Variants in TDRD3 observed in about 807,000 individuals in gnomAD.
TDRD3 encodes tudor domain-containing protein 3.
TDRD3 carries 45 observed loss-of-function variants against 86.7 expected under a neutral mutation model. That is an observed-to-expected ratio of 0.52 (90% CI 0.41 to 0.67). TDRD3 has a LOEUF of 0.67. Ranked by LOEUF, TDRD3 falls within the 30% of genes least tolerant of loss-of-function variation. The probability of loss-of-function intolerance (pLI) is 0.00; values close to 1 mark genes in which losing one functional copy is unlikely to be tolerated. For synonymous variants in TDRD3, 298 were observed against 301.7 expected, an observed-to-expected ratio of 0.99 and a Z score of 0.13; for missense variants, 814 against 889.0, an observed-to-expected ratio of 0.92 and a Z score of 1.07.
At chr13:60,455,087 AT>A (rs1955636216) in intron 3 of TDRD3, among the ~76,000 whole-genome samples, 1 of 151,810 alleles carries the variant, frequency 6.6e-6, no homozygotes, top group Non-Finnish European at 1.5e-5. Flanking sequence ...CTAATTTTGT[AT>A]TTTTAGTAGA....
intron 8 of TDRD3, 67 bp downstream of exon 8, chr13:60,494,642 T>C: frequency 6.7e-7 from 1 of 1,487,956 alleles, no homozygotes; most frequent in Non-Finnish European, 9.2e-7. Context: ...TATTCTTTCT[T>C]ACCACCACCA....
chr13:60,482,408 G>T (rs1217175850), intron 5 of TDRD3, among the ~76,000 whole-genome samples: 1 of 151,934 alleles, frequency 6.6e-6, no homozygotes, highest in African/African-American at 2.4e-5. Context: ...CTTACACATT[G>T]TTAAGATTGT....
intron 4 of TDRD3, among the ~76,000 whole-genome samples, chr13:60,463,654 T>TAACTC (rs370059236): frequency 0.048 from 7,267 of 151,826 alleles, 214 homozygotes; most frequent in Non-Finnish European, 0.064. Context: ...GGAGCTCAAA[T>TAACTC]AATAGCAAAA....
At chr13:60,543,824 A>C (rs999616869) in intron 12 of TDRD3, among the ~76,000 whole-genome samples, 1 of 152,152 alleles carries the variant, frequency 6.6e-6, no homozygotes. Flanking sequence ...TATTGCATAC[A>C]AATATTTTAT....
At chr13:60,517,671 C>T (rs377183539) in intron 10 of TDRD3, among the ~76,000 whole-genome samples, 1 of 152,192 alleles carries the variant, frequency 6.6e-6, no homozygotes, top group African/African-American at 2.4e-5. Flanking sequence ...TTTTACCATT[C>T]CATTCGTTTT....
chr13:60,559,993 T>A (rs1406712613), intron 12 of TDRD3, among the ~76,000 whole-genome samples: 3 of 152,198 alleles, frequency 2.0e-5, no homozygotes, highest in African/African-American at 7.2e-5. Context: ...ATCAAAACAT[T>A]AAGTTGTACA....
At position 60,529,010 on chromosome 13, in the gene TDRD3, G is replaced by A; in HGVS notation, c.1785G>A (p.Leu595=). 1 of 1,614,034 alleles carries A rather than the reference G, an allele frequency of 6.2e-7. No individual in the cohort carries two copies. Among genetic ancestry groups the A allele is most frequent in the Non-Finnish European group, 8.5e-7 (1 of 1,179,962 alleles). ...GVPNGEVEMP[L]KGRRIGPIKP... The stretch of plus-strand genomic sequence containing the variant: ...CAAATGGAGAAGTAGAAATGCCACT[G>A]AAAGGAAGACGAATAGGACCTATTA... The change falls in exon 11 of 14, where the codon CTG becomes CTA. Residue 595 remains leucine, a synonymous_variant. Coordinates refer to ENST00000377881, the MANE Select transcript of TDRD3 (RefSeq NM_001146070.2).
At chr13:60,469,856 A>G (rs1363901824) in intron 5 of TDRD3, among the ~76,000 whole-genome samples, 1 of 152,218 alleles carries the variant, frequency 6.6e-6, no homozygotes, top group Non-Finnish European at 1.5e-5. Context: ...ACTGTAGATT[A>G]AAAAATGTTT....
chr13:60,476,022 G>T (rs1399975429), intron 5 of TDRD3, among the ~76,000 whole-genome samples: 2 of 152,066 alleles, frequency 1.3e-5, no homozygotes, highest in Non-Finnish European at 2.9e-5. Context: ...TTCCTTTGCT[G>T]TGCAGAAGCT....
chr13:60,518,501 C>A (rs1957219332), intron 10 of TDRD3, among the ~76,000 whole-genome samples: 1 of 151,956 alleles, frequency 6.6e-6, no homozygotes, highest in South Asian at 2.1e-4. Context: ...AAAAATTGGC[C>A]TCACCTAGAA....
At chr13:60,449,165 G>A (rs1341219415) in intron 3 of TDRD3, among the ~76,000 whole-genome samples, 2 of 152,002 alleles carry the variant, frequency 1.3e-5, no homozygotes, top group African/African-American at 4.8e-5. Context: ...GAAATCGGAT[G>A]TTTTTAAAAA....
At chr13:60,531,881 AAAG>A (rs1424272731) in intron 11 of TDRD3, among the ~76,000 whole-genome samples, 1 of 152,166 alleles carries the variant, frequency 6.6e-6, no homozygotes, top group African/African-American at 2.4e-5. Context: ...CAAAAACAAA[AAAG>A]AATAGGCCTA....
At chr13:60,507,329 C>T (rs1020865427) in intron 8 of TDRD3, among the ~76,000 whole-genome samples, 6 of 152,174 alleles carry the variant, frequency 3.9e-5, no homozygotes, top group Non-Finnish European at 5.9e-5. Context: ...TTGAACTCAG[C>T]TCTGGACCAA....
chr13:60,494,019 A>G (rs1231704625), intron 7 of TDRD3, among the ~76,000 whole-genome samples: 3 of 152,224 alleles, frequency 2.0e-5, no homozygotes, highest in African/African-American at 7.2e-5. Context: ...TGCAATCATA[A>G]TACTGAACTA....
intron 1 of TDRD3, among the ~76,000 whole-genome samples, chr13:60,425,182 G>T (rs757851659): frequency 9.2e-5 from 14 of 152,028 alleles, no homozygotes; most frequent in Admixed American, 1.3e-4. Context: ...AAAATAATTT[G>T]ATTAAAAAAT....
chr13:60,510,694 A>G lies in TDRD3; in HGVS notation c.1080A>G (p.Pro360=), dbSNP rs1735989942. The G allele has an allele frequency of 6.2e-7, 1 of 1,606,424 alleles. No homozygotes were observed. ...AAGAGGACCTGGGAAATGCAAGGCC[A>G]TCAGCACCAAGCACATTATTTGATT... ...EDEEDLGNAR[P]SAPSTLFDFL... Residue 360 remains proline, a synonymous_variant, in exon 10 of 14, where the codon CCA becomes CCG. Coordinates refer to ENST00000377881, the MANE Select transcript of TDRD3 (RefSeq NM_001146070.2).
chr13:60,446,816 G>C (rs9538703), intron 3 of TDRD3, among the ~76,000 whole-genome samples: 20,755 of 152,072 alleles, frequency 0.14, 1,500 homozygotes, highest in East Asian at 0.19. Context: ...TATAGTAAAA[G>C]CTCCTTATTT....
chr13:60,510,120 C>T (rs1438790411), intron 9 of TDRD3, among the ~76,000 whole-genome samples: 2 of 152,032 alleles, frequency 1.3e-5, no homozygotes, highest in Non-Finnish European at 2.9e-5. Context: ...ATGGATCTAA[C>T]AACAACAACA....
At chr13:60,571,946 C>T (rs1958594719) in intron 13 of TDRD3, among the ~76,000 whole-genome samples, 1 of 152,070 alleles carries the variant, frequency 6.6e-6, no homozygotes. Flanking sequence ...AGATAGAGCC[C>T]AAAACTCCAA....
Sources: gnomAD v4.1 joint callset for allele counts (sites outside exome capture counted in the v4.1 genomes callset) on GRCh38, gnomAD v4.1.1 for gene constraint, MANE v1.5 for transcripts, NCBI Gene and HGNC (gene_info 2026-07-23, HGNC 2026-07-21) for gene names.